Variants in GLIS3 observed in about 807,000 individuals in gnomAD.
The protein encoded by GLIS3 is zinc finger protein GLIS3.
Under a neutral mutation model 78.6 loss-of-function variants are expected in GLIS3, and 53 were observed. That is an observed-to-expected ratio of 0.67 (90% CI 0.54 to 0.85). GLIS3 has a LOEUF of 0.85. Ranked by LOEUF, GLIS3 falls within the 40% of genes least tolerant of loss-of-function variation. The pLI, the probability that GLIS3 is intolerant of heterozygous loss-of-function variation, is 0.00. For synonymous variants in GLIS3, 684 were observed against 509.9 expected (o/e 1.34, Z -4.60); for missense variants, 1,703 against 1,231.1 (o/e 1.38, Z -5.74).
At chr9:4,181,171 C>G (rs1440124226) in intron 2 of GLIS3, among the ~76,000 whole-genome samples, 1 of 152,264 alleles carries the variant, frequency 6.6e-6, no homozygotes. Context: ...TAGCTCCTCT[C>G]TGCAAGCATC....
At position 4,131,065 on chromosome 9, in the gene GLIS3, G is replaced by T. The variant is rs570224179; in HGVS notation, c.389-5124C>A. On this transcript the variant is annotated intron_variant, in intron 2 of 10. Coordinates refer to ENST00000381971, the MANE Select transcript of GLIS3 (RefSeq NM_001042413.2). ...CTTTAAGATTTAATGACTGCCCTAG[G>T]GGGGGTTGGGGCTTGCATAGGACCT... Among the ~76,000 whole-genome samples, 211 of 152,280 alleles carry T rather than the reference G, an allele frequency of 1.4e-3. 1 individual carries two copies. Among genetic ancestry groups the T allele is most frequent in the African/African-American group, 4.2e-3 (176 of 41,550 alleles).
the GLIS3 span, among the ~76,000 whole-genome samples, chr9:4,439,016 G>T: frequency 2.0e-5 from 3 of 152,134 alleles, no homozygotes; most frequent in Admixed American, 1.3e-4. Flanking sequence ...CAGACATGGG[G>T]TTATAATGTG....
chr9:4,332,346 T>C (rs1817698907), intron 2 of GLIS3, among the ~76,000 whole-genome samples: 3 of 152,172 alleles, frequency 2.0e-5, no homozygotes, highest in South Asian at 4.1e-4. Context: ...ATCACCTTCT[T>C]CCTCTCAGTG....
At chr9:3,832,952 T>C (rs1393258408) in intron 9 of GLIS3, among the ~76,000 whole-genome samples, 1 of 152,186 alleles carries the variant, frequency 6.6e-6, no homozygotes, top group Non-Finnish European at 1.5e-5. Context: ...TTTCCTATCT[T>C]CTCTCATTTT....
At chr9:4,271,032 A>C (rs1001411088) in intron 2 of GLIS3, among the ~76,000 whole-genome samples, 4 of 151,788 alleles carry the variant, frequency 2.6e-5, no homozygotes, top group African/African-American at 9.7e-5. Context: ...AGCAAAACCA[A>C]CCCTTCCTCT....
intron 4 of GLIS3, among the ~76,000 whole-genome samples, chr9:3,981,514 G>A (rs543265045): frequency 1.1e-4 from 17 of 152,158 alleles, no homozygotes; most frequent in East Asian, 5.8e-4. Context: ...CCATGAGTCC[G>A]GGTTAAGTGC....
At chr9:4,101,229 C>T (rs1211249664) in intron 4 of GLIS3, among the ~76,000 whole-genome samples, 2 of 152,172 alleles carry the variant, frequency 1.3e-5, no homozygotes, top group Non-Finnish European at 2.9e-5. Context: ...CAACGGATTA[C>T]TGTGAGAGTC....
chr9:4,416,307 G>A, the GLIS3 span, among the ~76,000 whole-genome samples: 1 of 142,094 alleles, frequency 7.0e-6, no homozygotes, highest in South Asian at 2.2e-4. Context: ...AATATTCAAT[G>A]GAAAAAATTA....
Position 4,246,688 on chromosome 9 carries a change from T to C in GLIS3, c.388+39350A>G, listed in dbSNP as rs146770823. Among the ~76,000 whole-genome samples the C allele has an allele frequency of 9.1e-3, 1,385 of 152,314 alleles. 97 individuals are homozygous for C. The highest frequency in any genetic ancestry group is 0.071 in the Admixed American group (1,080 of 15,294). On this transcript the variant is annotated intron_variant, in intron 2 of 10. Transcript: ENST00000381971. The stretch of plus-strand genomic sequence containing the variant: ...GATATGAAATGGTGCTAAAGTTATA[T>C]GTAAGAGCTGGTCTCATCCTTTACC...
intron 4 of GLIS3, among the ~76,000 whole-genome samples, chr9:4,052,527 G>T (rs774026159): frequency 2.0e-5 from 3 of 152,014 alleles, no homozygotes; most frequent in Non-Finnish European, 4.4e-5. Context: ...ACCACTAGTC[G>T]GATTTCTGTC....
chr9:4,152,624 C>T (rs1458575641), intron 2 of GLIS3, among the ~76,000 whole-genome samples: 1 of 152,110 alleles, frequency 6.6e-6, no homozygotes, highest in African/African-American at 2.4e-5. Context: ...TCACTCTCTC[C>T]TTTTCACAAA....
At position 4,230,261 on chromosome 9, in the gene GLIS3, C is replaced by A. The variant is rs551274989; in HGVS notation, c.388+55777G>T. On this transcript the variant is annotated intron_variant, in intron 2 of 10. Transcript: ENST00000381971. ...AAATCTCCACCAACTAAGAAAGAAA[C>A]AGAAATAAAGAAAGTGGGGCGAAGG... Among the ~76,000 whole-genome samples the A allele has an allele frequency of 1.8e-4, 28 of 152,206 alleles. 1 individual carries two copies. In the South Asian group the frequency reaches 4.8e-3, roughly 26 times the overall value.
At chr9:4,042,041 C>T (rs1824855477) in intron 4 of GLIS3, among the ~76,000 whole-genome samples, 1 of 152,184 alleles carries the variant, frequency 6.6e-6, no homozygotes, top group African/African-American at 2.4e-5. Flanking sequence ...CTCAAGAGAG[C>T]AACTCTCAAG....
chr9:4,133,198 CA>C (rs1344052727), intron 2 of GLIS3, among the ~76,000 whole-genome samples: 1 of 152,154 alleles, frequency 6.6e-6, no homozygotes, highest in Non-Finnish European at 1.5e-5. Context: ...GAATAAGTTG[CA>C]GATTCCATGT....
At chr9:4,127,139 G>A (rs1832635581) in intron 2 of GLIS3, among the ~76,000 whole-genome samples, 1 of 152,124 alleles carries the variant, frequency 6.6e-6, no homozygotes, top group African/African-American at 2.4e-5. Flanking sequence ...AAAAATGCTG[G>A]GGGAGTCACA....
intron 4 of GLIS3, among the ~76,000 whole-genome samples, 198 bp from the exon 5 acceptor site, chr9:3,937,387 G>T (rs1563870087): frequency 6.6e-6 from 1 of 152,102 alleles, no homozygotes; most frequent in Non-Finnish European, 1.5e-5. Context: ...GAATATACAT[G>T]CCACTTTCTG....
At chr9:4,174,557 A>G (rs1482694926) in intron 2 of GLIS3, among the ~76,000 whole-genome samples, 1 of 152,218 alleles carries the variant, frequency 6.6e-6, no homozygotes, top group Non-Finnish European at 1.5e-5. Context: ...AATGATTCCT[A>G]TATATATAAT....
At chr9:3,960,901 C>A (rs574204841) in intron 4 of GLIS3, among the ~76,000 whole-genome samples, 2 of 152,294 alleles carry the variant, frequency 1.3e-5, no homozygotes, top group South Asian at 4.1e-4. Flanking sequence ...TGAAATATAG[C>A]CTGCTGATGC....
chr9:4,117,254 A>G (rs531317929), intron 4 of GLIS3, among the ~76,000 whole-genome samples: 1 of 152,372 alleles, frequency 6.6e-6, no homozygotes, highest in Non-Finnish European at 1.5e-5. Context: ...TGGAAGGTAC[A>G]GAGCGCAGGC....
Sources: gnomAD v4.1 joint callset for allele counts (sites outside exome capture counted in the v4.1 genomes callset) on GRCh38, gnomAD v4.1.1 for gene constraint, MANE v1.5 for transcripts, NCBI Gene and HGNC (gene_info 2026-07-23, HGNC 2026-07-21) for gene names.